Variants in USP13 observed in about 807,000 individuals in gnomAD.
USP13 encodes the protein ubiquitin specific peptidase 13.
USP13 carries 68 observed loss-of-function variants against 107.8 expected under a neutral mutation model. That is an observed-to-expected ratio of 0.63 (90% confidence interval 0.52 to 0.77). USP13 has a LOEUF of 0.77. Among genes scored for constraint, USP13 ranks in the 30% least tolerant of loss-of-function variants. USP13 has a pLI of 0.00. For missense variants in USP13, 945 were observed against 1,093.3 expected (o/e 0.86, Z 1.91); for synonymous variants, 377 against 389.5 (o/e 0.97, Z 0.38).
At chr3:179,679,153 A>G (rs1210423374) in intron 1 of USP13, among the ~76,000 whole-genome samples, 3 of 152,172 alleles carry the variant, frequency 2.0e-5, no homozygotes, top group Admixed American at 6.5e-5. Context: ...TAAGTTAACA[A>G]TCTTTATTGG....
intron 10 of USP13, among the ~76,000 whole-genome samples, chr3:179,732,070 A>AGAGGG (rs1161103620): frequency 2.0e-5 from 3 of 152,180 alleles, no homozygotes; most frequent in African/African-American, 7.2e-5. Context: ...AAGAGGGTGG[A>AGAGGG]GAGGGAAACA....
rs377466527 is a variant in USP13, at chr3:179,776,008, C to T, written c.2414-5731C>T. On this transcript the variant is annotated intron_variant, in intron 19 of 20. Coordinates refer to ENST00000263966, the MANE Select transcript of USP13 (RefSeq NM_003940.3). ...GTCACGGTCGAGGAGGTGCTGAGAG[C>T]GAGCAAGGGCTGCCAGCACGTTGTC... Among the ~76,000 whole-genome samples, 47 of 152,264 alleles carry T rather than the reference C, an allele frequency of 3.1e-4. No homozygotes were observed. The East Asian group carries it at 4.4e-3, about 14-fold the overall frequency.
At chr3:179,706,136 C>T (rs1385394432) in intron 4 of USP13, among the ~76,000 whole-genome samples, 3 of 152,198 alleles carry the variant, frequency 2.0e-5, no homozygotes, top group Admixed American at 6.5e-5. Flanking sequence ...ATGGCTGGGT[C>T]ATGCGATAAC....
chr3:179,708,791 A>C lies in USP13; in HGVS notation c.639A>C (p.Arg213Ser). The change falls in exon 6 of 21, where the codon AGA becomes AGC. Residue 213 changes from arginine (R) to serine (S), a missense_variant. Transcript: ENST00000263966. Reference protein sequence around the residue: ...RIPPSGWKCARCDLRENLWLN... With the variant: ...RIPPSGWKCASCDLRENLWLN... ...TTTCCAGTGGTTGGAAGTGTGCCAG[A>C]TGCGACCTGCGAGAAAACCTCTGGT... 1 of 1,614,178 alleles carries C rather than the reference A, an allele frequency of 6.2e-7. No individual in the cohort carries two copies. Among genetic ancestry groups the C allele is most frequent in the Non-Finnish European group, 8.5e-7 (1 of 1,180,026 alleles).
Position 179,709,436 on chromosome 3 carries a change from G to T in USP13, c.805+479G>T, listed in dbSNP as rs75611369. Among the ~76,000 whole-genome samples, 600 of 152,284 alleles carry T rather than the reference G, an allele frequency of 3.9e-3. 4 individuals are homozygous for T. Among genetic ancestry groups the T allele is most frequent in the Middle Eastern group, 0.014 (4 of 294 alleles). On this transcript the variant is annotated intron_variant, in intron 6 of 20. Coordinates refer to ENST00000263966, the MANE Select transcript of USP13 (RefSeq NM_003940.3). ...ATTATGGAGAATATGAGTTTTAAAGGATACTGTGCATTAAAAGAGTCCCTG... is the reference window on the plus strand; with the variant it reads ...ATTATGGAGAATATGAGTTTTAAAGTATACTGTGCATTAAAAGAGTCCCTG...
intron 1 of USP13, among the ~76,000 whole-genome samples, chr3:179,659,501 A>G (rs532965397): frequency 6.6e-6 from 1 of 152,278 alleles, no homozygotes; most frequent in African/African-American, 2.4e-5. Flanking sequence ...CATGATTCTG[A>G]GACATGCCAA....
intron 10 of USP13, among the ~76,000 whole-genome samples, chr3:179,731,969 A>C (rs1450826364): frequency 6.6e-6 from 1 of 151,226 alleles, no homozygotes; most frequent in Non-Finnish European, 1.5e-5. Context: ...GAAGCCAGCT[A>C]GTTGTGGAAA....
intron 1 of USP13, among the ~76,000 whole-genome samples, chr3:179,677,652 A>G (rs901862407): frequency 2.0e-5 from 3 of 152,174 alleles, no homozygotes; most frequent in African/African-American, 7.2e-5. Flanking sequence ...TTGACAATGA[A>G]ATTAGCAAAG....
intron 6 of USP13, among the ~76,000 whole-genome samples, chr3:179,710,310 C>G (rs1292647645): frequency 3.3e-5 from 5 of 152,148 alleles, no homozygotes; most frequent in African/African-American, 4.8e-5. Context: ...AAGCCCTTCT[C>G]CTTGTCCTTT....
rs377395498 is a variant in USP13 at position 179,754,829 on chromosome 3, C to G, written c.1896C>G (p.Pro632=). Residue 632 remains proline (P), a synonymous_variant, in exon 15 of 21, where the codon CCC becomes CCG. Transcript: ENST00000263966. ...AAGAACTTCCAGACATCAGCCCCCC[C>G]ATAGTCATTCCTGATGACTCAAAAG... ...GEEELPDISP[P]IVIPDDSKDR... The G allele has an allele frequency of 1.2e-6, 2 of 1,612,540 alleles. No individual in the cohort carries two copies. The highest frequency in any genetic ancestry group is 1.7e-6 in the Non-Finnish European group (2 of 1,179,444).
At chr3:179,778,073 C>A (rs935825062) in intron 19 of USP13, among the ~76,000 whole-genome samples, 14 of 151,944 alleles carry the variant, frequency 9.2e-5, no homozygotes, top group Admixed American at 5.9e-4. Context: ...TGATTTCAAA[C>A]CTGGGATTTT....
intron 1 of USP13, among the ~76,000 whole-genome samples, chr3:179,665,219 A>T (rs899071084): frequency 6.6e-6 from 1 of 152,184 alleles, no homozygotes; most frequent in African/African-American, 2.4e-5. Context: ...TGTAAGTGGG[A>T]GGGAAACAGA....
intron 3 of USP13, among the ~76,000 whole-genome samples, chr3:179,692,651 T>C (rs1258733285): frequency 3.3e-5 from 5 of 152,268 alleles, no homozygotes; most frequent in Non-Finnish European, 7.3e-5. Context: ...CAGGTTCTTC[T>C]TGAAGGCAGA....
intron 1 of USP13, among the ~76,000 whole-genome samples, chr3:179,660,191 A>G (rs187320884): frequency 1.8e-4 from 28 of 152,314 alleles, no homozygotes; most frequent in Admixed American, 9.8e-4. Flanking sequence ...AACTATCACT[A>G]TGCATTGTTG....
At chr3:179,670,332 C>T (rs1015427310) in intron 1 of USP13, among the ~76,000 whole-genome samples, 6 of 152,182 alleles carry the variant, frequency 3.9e-5, no homozygotes, top group African/African-American at 1.4e-4. Flanking sequence ...ACCACCCTTG[C>T]TGGGTCTCTG....
Position 179,721,608 on chromosome 3 carries a change from G to T in USP13, c.1088+19G>T. 1.2e-6 allele frequency: 2 copies of T among 1,610,820 alleles called. No individual in the cohort carries two copies. Among genetic ancestry groups the T allele is most frequent in the Non-Finnish European group, 1.7e-6 (2 of 1,179,012 alleles). On this transcript the variant is annotated intron_variant, in intron 8 of 20. Coordinates refer to ENST00000263966, the MANE Select transcript of USP13 (RefSeq NM_003940.3). The surrounding 1 kb of genome is among the most constrained non-coding windows in gnomAD (Gnocchi z 4.3). ...AGAGAGCGTAAGTGCCTTCCATGCA[G>T]ACCAGGGCACGCGGCACCTCCCTGC...
chr3:179,745,295 T>G, intron 13 of USP13, 78 bp downstream of exon 13: 2 of 1,475,580 alleles, frequency 1.4e-6, no homozygotes, highest in African/African-American at 1.5e-5. Flanking sequence ...GGAAAGGGGG[T>G]GGGTGTTATT....
intron 1 of USP13, among the ~76,000 whole-genome samples, chr3:179,668,714 G>T (rs553324756): frequency 6.6e-6 from 1 of 152,072 alleles, no homozygotes; most frequent in Non-Finnish European, 1.5e-5. Flanking sequence ...GAGCCACTGC[G>T]CCCAGTCCTA....
At chr3:179,662,879 G>T (rs1218060090) in intron 1 of USP13, among the ~76,000 whole-genome samples, 2 of 152,200 alleles carry the variant, frequency 1.3e-5, no homozygotes, top group Non-Finnish European at 2.9e-5. Flanking sequence ...CTGGAGCTCA[G>T]TTAAAGGAGC....
Sources: gnomAD v4.1 joint callset for allele counts (sites outside exome capture counted in the v4.1 genomes callset) on GRCh38, gnomAD v4.1.1 for gene constraint, Gnocchi (gnomAD v3.1) non-coding constraint, MANE v1.5 for transcripts, NCBI Gene and HGNC (gene_info 2026-07-23, HGNC 2026-07-21) for gene names.